The following LUZP2 variants were observed in gnomAD, a reference collection of about 807,000 sequenced individuals.
LUZP2 encodes leucine zipper protein 2.
A neutral mutation model predicts 51.6 loss-of-function variants in LUZP2; 52 were observed. The ratio of observed to expected loss-of-function variants is 1.01; its 90% CI spans 0.81 to 1.27. The LOEUF (loss-of-function observed/expected upper bound fraction) is 1.27, where lower values mean the gene tolerates loss of function less well. Ranked by LOEUF, LUZP2 falls within the 50% of genes most tolerant of loss-of-function variation. The pLI, the probability that LUZP2 is intolerant of heterozygous loss-of-function variation, is 0.00. For missense variants in LUZP2, 436 were observed against 395.4 expected, an observed-to-expected ratio of 1.10 and a Z score of -0.87; for synonymous variants, 154 against 137.3, an observed-to-expected ratio of 1.12 and a Z score of -0.85.
At position 24,581,627 on chromosome 11, in the gene LUZP2, T is replaced by C. The variant is rs1445468090; in HGVS notation, c.62+84322T>C. Among the ~76,000 whole-genome samples, 3 of 151,710 alleles carry C rather than the reference T, an allele frequency of 2.0e-5. No individual in the cohort carries two copies. The South Asian group carries it at 6.2e-4, about 32-fold the overall frequency. ...TGGAGGCATCAAAGAGTCAAAGACA[T>C]GCCACTGCACTCCAGCCTGGGTGAC... On this transcript the variant is annotated intron_variant, in intron 1 of 11. Coordinates refer to ENST00000336930, the MANE Select transcript of LUZP2 (RefSeq NM_001009909.4).
At chr11:24,925,276 G>A (rs1166921113) in intron 7 of LUZP2, among the ~76,000 whole-genome samples, 1 of 152,090 alleles carries the variant, frequency 6.6e-6, no homozygotes, top group East Asian at 1.9e-4. Context: ...AATGAGGCAT[G>A]TCTGACCCCC....
chr11:24,764,565 A>G (rs1440571479), intron 5 of LUZP2, among the ~76,000 whole-genome samples: 8 of 151,022 alleles, frequency 5.3e-5, no homozygotes, highest in Non-Finnish European at 1.0e-4. Context: ...TTACGAGGCC[A>G]AGGCAGGAGG....
chr11:24,916,433 C>T (rs1173542642), intron 7 of LUZP2, among the ~76,000 whole-genome samples: 1 of 151,870 alleles, frequency 6.6e-6, no homozygotes, highest in Non-Finnish European at 1.5e-5. Context: ...GTGCTGCACC[C>T]ATTAACTCAT....
At chr11:24,856,025 T>C (rs1010516835) in intron 5 of LUZP2, among the ~76,000 whole-genome samples, 3 of 152,002 alleles carry the variant, frequency 2.0e-5, no homozygotes, top group Non-Finnish European at 4.4e-5. Flanking sequence ...CCAGGAAAAC[T>C]CCTTTGGACA....
chr11:24,519,449 TATA>T lies in LUZP2; in HGVS notation c.62+22148_62+22150del, dbSNP rs533061203. Among the ~76,000 whole-genome samples, 558 of 152,318 alleles carry T rather than the reference TATA, an allele frequency of 3.7e-3. 1 individual carries two copies. Among genetic ancestry groups the T allele is most frequent in the Non-Finnish European group, 6.6e-3 (446 of 68,026 alleles). On this transcript the variant is annotated intron_variant, in intron 1 of 11. Coordinates refer to ENST00000336930, the MANE Select transcript of LUZP2 (RefSeq NM_001009909.4). Reference sequence around the variant, plus strand: ...TGAGATTTTATTGTTTAGTTATGTTTATAATATTTTGTGCTGAAGTCAATTAAA... The same window carrying T: ...TGAGATTTTATTGTTTAGTTATGTTTATATTTTGTGCTGAAGTCAATTAAA...
At chr11:24,605,874 G>T (rs754971510) in intron 1 of LUZP2, among the ~76,000 whole-genome samples, 14 of 151,366 alleles carry the variant, frequency 9.2e-5, no homozygotes, top group Non-Finnish European at 1.6e-4. Context: ...TTTCACCCTT[G>T]ACCTCTGATA....
intron 9 of LUZP2, among the ~76,000 whole-genome samples, chr11:25,049,166 C>T (rs975364691): frequency 5.9e-5 from 9 of 152,140 alleles, no homozygotes; most frequent in Non-Finnish European, 1.0e-4. Flanking sequence ...CTTAGTTTTC[C>T]TCGACCCCTA....
intron 4 of LUZP2, among the ~76,000 whole-genome samples, chr11:24,749,215 A>G (rs1859488838): frequency 6.6e-6 from 1 of 152,138 alleles, no homozygotes; most frequent in South Asian, 2.1e-4. Context: ...TGCAAATCAG[A>G]AGAGACCACT....
chr11:24,827,017 T>C (rs1220735103), intron 5 of LUZP2, among the ~76,000 whole-genome samples: 1 of 152,142 alleles, frequency 6.6e-6, no homozygotes, highest in Non-Finnish European at 1.5e-5. Flanking sequence ...TATAATGTCA[T>C]TGGGTTTTCA....
intron 4 of LUZP2, 80 bp from the exon 5 acceptor site, chr11:24,763,166 T>C (rs1027361768): frequency 3.0e-6 from 2 of 673,776 alleles, no homozygotes; most frequent in South Asian, 3.3e-5. Context: ...ATTTATTATT[T>C]CTCAAAATAA....
At chr11:24,785,829 G>T in intron 5 of LUZP2, 1 of 982,158 alleles carries the variant, frequency 1.0e-6, no homozygotes, top group Non-Finnish European at 1.2e-6. Context: ...AAAGTTCCAG[G>T]CTTCAAGAGG....
At chr11:24,719,872 C>T (rs893398361) in intron 1 of LUZP2, among the ~76,000 whole-genome samples, 4 of 152,132 alleles carry the variant, frequency 2.6e-5, no homozygotes, top group East Asian at 3.9e-4. Context: ...GCTGATAAAG[C>T]GAGATCCAGT....
intron 1 of LUZP2, among the ~76,000 whole-genome samples, chr11:24,696,164 C>T (rs1183331144): frequency 6.6e-6 from 1 of 151,998 alleles, no homozygotes; most frequent in Non-Finnish European, 1.5e-5. Context: ...AGGCCAGTGT[C>T]TTGCCAGATA....
intron 1 of LUZP2, among the ~76,000 whole-genome samples, chr11:24,670,982 C>T (rs1856384417): frequency 6.6e-6 from 1 of 151,704 alleles, no homozygotes; most frequent in Admixed American, 6.6e-5. Flanking sequence ...AATTCTCTCT[C>T]ATTATTATTC....
chr11:25,067,904 T>C (rs1240234458), intron 10 of LUZP2, among the ~76,000 whole-genome samples: 1 of 152,044 alleles, frequency 6.6e-6, no homozygotes, highest in Non-Finnish European at 1.5e-5. Flanking sequence ...AGCAAAGTCT[T>C]GGAACCAATC....
intron 4 of LUZP2, among the ~76,000 whole-genome samples, chr11:24,758,959 A>T (rs929687983): frequency 3.3e-5 from 5 of 152,068 alleles, no homozygotes; most frequent in African/African-American, 1.2e-4. Flanking sequence ...AAATTAAAAA[A>T]CAGTGTATCT....
chr11:25,052,124 G>A (rs535099632), intron 10 of LUZP2, among the ~76,000 whole-genome samples: 131 of 152,210 alleles, frequency 8.6e-4, no homozygotes, highest in Middle Eastern at 3.4e-3. Context: ...TTGTATTGGA[G>A]TCTCTACTCC....
intron 5 of LUZP2, among the ~76,000 whole-genome samples, chr11:24,859,457 G>A (rs927070789): frequency 6.6e-6 from 1 of 152,100 alleles, no homozygotes; most frequent in Non-Finnish European, 1.5e-5. Context: ...TTTAAAAATG[G>A]AGTAAATATT....
chr11:24,729,638 A>G (rs917844280), intron 2 of LUZP2, among the ~76,000 whole-genome samples: 4 of 151,954 alleles, frequency 2.6e-5, no homozygotes, highest in Non-Finnish European at 4.4e-5. Flanking sequence ...TAAATTCCCC[A>G]CGGGATAATT....
Sources: allele counts gnomAD v4.1 joint callset (sites outside exome capture counted in the v4.1 genomes callset), GRCh38; gene constraint gnomAD v4.1.1; transcripts MANE v1.5; gene names NCBI Gene and HGNC (gene_info 2026-07-23, HGNC 2026-07-21).